LMO1: variants seen among roughly 807,000 people sequenced by gnomAD.
LMO1 encodes the protein LIM domain only 1, also known as rhombotin-1.
LMO1 carries 10 observed loss-of-function variants against 18.0 expected under a neutral mutation model. The ratio of observed to expected loss-of-function variants is 0.55; its 90% CI spans 0.34 to 0.94. The LOEUF is 0.94. Ranked by LOEUF, LMO1 falls within the 40% of genes least tolerant of loss-of-function variation. LMO1 has a pLI of 0.02. For synonymous variants in LMO1, 77 were observed against 77.9 expected, an observed-to-expected ratio of 0.99 and a Z score of 0.06; for missense variants, 183 against 205.7, an observed-to-expected ratio of 0.89 and a Z score of 0.68.
intron 1 of LMO1, among the ~76,000 whole-genome samples, chr11:8,232,491 C>A (rs1165984397): frequency 6.6e-6 from 1 of 152,164 alleles, no homozygotes; most frequent in African/African-American, 2.4e-5. Flanking sequence ...AAATGAGGGG[C>A]CTCCCAGAGT....
At chr11:8,230,610 C>T in intron 1 of LMO1, 106 bp from the exon 2 acceptor site, 1 of 1,226,126 alleles carries the variant, frequency 8.2e-7, no homozygotes, top group Non-Finnish European at 1.2e-6. Flanking sequence ...CTGCTGCCCC[C>T]TCTAGGTTTG....
At chr11:8,241,165 G>T (rs1846784884) in intron 1 of LMO1, among the ~76,000 whole-genome samples, 1 of 152,060 alleles carries the variant, frequency 6.6e-6, no homozygotes, top group South Asian at 2.1e-4. Flanking sequence ...CCTCACCCCA[G>T]ACTTCCTCCC....
intron 1 of LMO1, among the ~76,000 whole-genome samples, chr11:8,248,612 G>A (rs966191279): frequency 1.3e-5 from 2 of 152,248 alleles, no homozygotes; most frequent in African/African-American, 4.8e-5. Flanking sequence ...ATATAACTGG[G>A]GGTGGACTGG....
At position 8,225,872 on chromosome 11, in the gene LMO1, G is replaced by A. The variant is rs140828990; in HGVS notation, c.365+1103C>T. On this transcript the variant is annotated intron_variant, in intron 3 of 3. Coordinates refer to ENST00000335790, the MANE Select transcript of LMO1 (RefSeq NM_002315.3). ...CTCACTTCAGGGAGCACTTGTATGC[G>A]TTCCTACCTGACCTGGGGGCTCCTG... Among the ~76,000 whole-genome samples, 68 of 152,322 alleles carry A rather than the reference G, an allele frequency of 4.5e-4. No individual in the cohort carries two copies. In the East Asian group the frequency reaches 7.5e-3, roughly 17 times the overall value.
At chr11:8,247,842 G>A (rs1846921951) in intron 1 of LMO1, among the ~76,000 whole-genome samples, 1 of 152,244 alleles carries the variant, frequency 6.6e-6, no homozygotes, top group Non-Finnish European at 1.5e-5. Flanking sequence ...ATGAGGCCCA[G>A]GGATGAGAAG....
chr11:8,241,446 C>T (rs1846789859), intron 1 of LMO1, among the ~76,000 whole-genome samples: 1 of 152,222 alleles, frequency 6.6e-6, no homozygotes, highest in South Asian at 2.1e-4. Flanking sequence ...CATCCAATGG[C>T]CTGAGAATAA....
chr11:8,227,220 G>A, intron 2 of LMO1, 120 bp from the exon 3 acceptor site: 3 of 1,488,638 alleles, frequency 2.0e-6, no homozygotes, highest in Non-Finnish European at 2.7e-6. Flanking sequence ...TCAGCAGGTG[G>A]GCTCAGGCAA....
intron 1 of LMO1, among the ~76,000 whole-genome samples, chr11:8,260,525 A>G (rs1373124723): frequency 2.6e-5 from 4 of 152,168 alleles, no homozygotes; most frequent in Admixed American, 6.5e-5. Context: ...GTGACCCTTC[A>G]CTGCTCGACC....
At chr11:8,233,279 G>T (rs888183632) in intron 1 of LMO1, among the ~76,000 whole-genome samples, 2 of 152,140 alleles carry the variant, frequency 1.3e-5, no homozygotes, top group Non-Finnish European at 2.9e-5. Flanking sequence ...GACCTCCCAC[G>T]AGAAAGGCTG....
chr11:8,255,434 G>T (rs1026306435), intron 1 of LMO1, among the ~76,000 whole-genome samples: 3 of 152,212 alleles, frequency 2.0e-5, no homozygotes, highest in East Asian at 3.8e-4. Flanking sequence ...AGCCCAAGAG[G>T]TCAAGGCTGC....
chr11:8,234,078 C>T (rs1427802641), intron 1 of LMO1, among the ~76,000 whole-genome samples: 2 of 152,162 alleles, frequency 1.3e-5, no homozygotes, highest in African/African-American at 4.8e-5. Flanking sequence ...TAAACCAGTC[C>T]ACTCAACCCA....
chr11:8,228,230 C>T (rs1952582991), intron 2 of LMO1, among the ~76,000 whole-genome samples: 1 of 152,246 alleles, frequency 6.6e-6, no homozygotes, highest in Non-Finnish European at 1.5e-5. Context: ...TTACTCCCTC[C>T]CCATGCAGGC....
chr11:8,261,441 G>A (rs1014182061), intron 1 of LMO1, among the ~76,000 whole-genome samples: 1 of 152,224 alleles, frequency 6.6e-6, no homozygotes, highest in African/African-American at 2.4e-5. Flanking sequence ...GGCATCATGT[G>A]GTGCCTGGGC....
intron 1 of LMO1, 104 bp from the exon 2 acceptor site, chr11:8,230,608 C>T: frequency 8.0e-7 from 1 of 1,242,560 alleles, no homozygotes; most frequent in African/African-American, 1.5e-5. Context: ...CTCTGCTGCC[C>T]CCTCTAGGTT....
At chr11:8,248,700 G>A (rs752013564) in intron 1 of LMO1, among the ~76,000 whole-genome samples, 3 of 152,196 alleles carry the variant, frequency 2.0e-5, no homozygotes, top group East Asian at 1.9e-4. Context: ...AAAGCCATTC[G>A]GGAGAAAGAA....
chr11:8,257,348 A>G (rs1453383246), intron 1 of LMO1, among the ~76,000 whole-genome samples: 1 of 152,228 alleles, frequency 6.6e-6, no homozygotes, highest in Non-Finnish European at 1.5e-5. Flanking sequence ...CACATGCCAT[A>G]GGAACCTCTG....
At chr11:8,240,059 T>G (rs1244888600) in intron 1 of LMO1, among the ~76,000 whole-genome samples, 1 of 152,124 alleles carries the variant, frequency 6.6e-6, no homozygotes, top group Non-Finnish European at 1.5e-5. Flanking sequence ...GCCTGCTGTG[T>G]CCCAGGGCCA....
chr11:8,247,363 G>T (rs1312342271), intron 1 of LMO1, among the ~76,000 whole-genome samples: 1 of 152,208 alleles, frequency 6.6e-6, no homozygotes, highest in African/African-American at 2.4e-5. Flanking sequence ...TCCAGTCCAC[G>T]AGGGTAGGAA....
intron 1 of LMO1, among the ~76,000 whole-genome samples, chr11:8,253,753 C>A (rs1847043345): frequency 1.3e-5 from 2 of 152,078 alleles, no homozygotes; most frequent in African/African-American, 4.8e-5. Context: ...GTCACCGTGC[C>A]AACCAGCAAA....
Sources: gnomAD v4.1 joint callset for allele counts (sites outside exome capture counted in the v4.1 genomes callset) on GRCh38, gnomAD v4.1.1 for gene constraint, MANE v1.5 for transcripts, NCBI Gene and HGNC (gene_info 2026-07-23, HGNC 2026-07-21) for gene names.